Variants in ABL1 observed in about 807,000 individuals in gnomAD.
ABL1 encodes tyrosine-protein kinase ABL1.
A neutral mutation model predicts 94.7 loss-of-function variants in ABL1; 11 were observed. The observed-to-expected ratio is 0.12, with a 90% CI of 0.07 to 0.19. The LOEUF (loss-of-function observed/expected upper bound fraction) is 0.19, where lower values mean the gene tolerates loss of function less well. Among genes scored for constraint, ABL1 ranks in the 10% least tolerant of loss-of-function variants. ABL1 has a pLI of 1.00. For missense variants in ABL1, 1,082 were observed against 1,489.4 expected (o/e 0.73, Z 4.50); for synonymous variants, 656 against 622.4 (o/e 1.05, Z -0.80).
chr9:130,805,805 G>A (rs1830117183), intron 1 of ABL1, among the ~76,000 whole-genome samples: 3 of 152,144 alleles, frequency 2.0e-5, no homozygotes, highest in Non-Finnish European at 4.4e-5. Flanking sequence ...ATTAAGTAGG[G>A]GGATGAAGGG....
exon 1 of ABL1, among the ~76,000 whole-genome samples, chr9:130,713,646 A>G (rs1049655009): frequency 2.6e-5 from 4 of 152,178 alleles, no homozygotes; most frequent in Non-Finnish European, 5.9e-5. Flanking sequence ...CGGCCCCCTT[A>G]GTCTCAGCTC....
In ABL1 at chr9:130,822,073, C is replaced by T. The variant is rs143822264; in HGVS notation, c.137-31991C>T. 5.8e-3 allele frequency among the ~76,000 whole-genome samples: 882 copies of T among 152,162 alleles called. 13 individuals carry two copies. The highest frequency in any genetic ancestry group is 0.02 in the African/African-American group (828 of 41,530). ...CGGGATGCTCTCACTCTCCTGACCT[C>T]GTGATCTGCCTGCCTCGGCCTCCCA... On this transcript the variant is annotated intron_variant, in intron 1 of 10. Coordinates refer to the ABL1 transcript ENST00000372348.
chr9:130,784,586 G>A (rs1282249805), intron 1 of ABL1, among the ~76,000 whole-genome samples: 1 of 152,202 alleles, frequency 6.6e-6, no homozygotes, highest in African/African-American at 2.4e-5. Flanking sequence ...TTGTGGAGGT[G>A]AGGGAGGCCC....
chr9:130,763,322 G>GT (rs1229879065), intron 1 of ABL1, among the ~76,000 whole-genome samples: 4 of 106,808 alleles, frequency 3.7e-5, no homozygotes, highest in Admixed American at 1.9e-4. Flanking sequence ...ACATTTTTGT[G>GT]GTTTTTTTTC....
At chr9:130,713,472 A>G (rs961135981) in exon 1 of ABL1, among the ~76,000 whole-genome samples, 27 of 141,068 alleles carry the variant, frequency 1.9e-4, no homozygotes. Context: ...CCGCGCCCCG[A>G]CAGCTTCCCT....
At chr9:130,714,501 C>A (rs1450258254) in intron 1 of ABL1, 4 of 1,613,332 alleles carry the variant, frequency 2.5e-6, no homozygotes, top group Admixed American at 1.7e-5. Flanking sequence ...CTCATGCATT[C>A]ATCTTAGGCC....
rs777966830 is a variant in ABL1 at position 130,885,041 on chromosome 9, C to G, written c.2751C>G (p.Ser917Arg). The change falls in exon 11 of 11, where the codon AGC (serine) becomes AGG (arginine). Residue 917 changes from serine (S) to arginine (R), a missense_variant. This residue lies in a region of ABL1 where 780 missense variants were observed against 835.8 expected (regional missense o/e 0.93). Coordinates refer to ENST00000318560, the MANE Select transcript of ABL1 (RefSeq NM_005157.6). Reference sequence around the variant, plus strand: ...AGGCTGGAGGAAAGCCCTCGCAGAGCCCGAGCCAGGAGGCGGCCGGGGAGG... The same window carrying G: ...AGGCTGGAGGAAAGCCCTCGCAGAGGCCGAGCCAGGAGGCGGCCGGGGAGG... ...AGKAGGKPSQ[S>R]PSQEAAGEAV... 3.1e-6 allele frequency: 5 copies of G among 1,610,476 alleles called. No homozygotes were observed. Among genetic ancestry groups the G allele is most frequent in the Admixed American group, 1.7e-5 (1 of 59,800 alleles).
chr9:130,859,893 C>A (rs186162367), intron 3 of ABL1, among the ~76,000 whole-genome samples: 205 of 151,904 alleles, frequency 1.3e-3, no homozygotes, highest in African/African-American at 3.7e-3. Flanking sequence ...GTTGGCCAGG[C>A]TGGTTTCGAA....
At chr9:130,848,308 C>T (rs1830804302) in intron 1 of ABL1, among the ~76,000 whole-genome samples, 1 of 145,522 alleles carries the variant, frequency 6.9e-6, no homozygotes, top group South Asian at 2.2e-4. Context: ...CAAGACCAGC[C>T]TGGCCAACAT....
chr9:130,880,571 CCCA>C lies in ABL1; in HGVS notation c.1589_1591del (p.Thr530del). 1 of 1,613,874 alleles carries C rather than the reference CCCA, an allele frequency of 6.2e-7. No individual in the cohort carries two copies. The highest frequency in any genetic ancestry group is 8.5e-7 in the Non-Finnish European group (1 of 1,179,896). On this transcript the variant is annotated inframe_deletion, in exon 10 of 11. Coordinates refer to ENST00000318560, the MANE Select transcript of ABL1 (RefSeq NM_005157.6). The surrounding 1 kb of genome is among the most constrained non-coding windows in gnomAD (Gnocchi z 4.4). ...TACCTTGCTGCAGGCCCCAGAGCTG[CCCA>C]CCAAGACGAGGACCTCCAGGAGAGC...
intron 1 of ABL1, among the ~76,000 whole-genome samples, chr9:130,721,576 G>A (rs1239732641): frequency 6.6e-6 from 1 of 152,038 alleles, no homozygotes; most frequent in South Asian, 2.1e-4. Flanking sequence ...TGGGCGTGGT[G>A]GTACACGCCT....
At chr9:130,728,485 A>G (rs1831620363) in intron 1 of ABL1, among the ~76,000 whole-genome samples, 1 of 149,718 alleles carries the variant, frequency 6.7e-6, no homozygotes, top group African/African-American at 2.5e-5. Context: ...TCCTGGGTTC[A>G]TGCCATTCTC....
chr9:130,756,105 T>C (rs1442604379), intron 1 of ABL1, among the ~76,000 whole-genome samples: 1 of 152,202 alleles, frequency 6.6e-6, no homozygotes, highest in Non-Finnish European at 1.5e-5. Flanking sequence ...GCAACCACTT[T>C]TCTCATAGAG....
At chr9:130,843,307 C>A (rs192545602) in intron 1 of ABL1, among the ~76,000 whole-genome samples, 1 of 152,142 alleles carries the variant, frequency 6.6e-6, no homozygotes, top group Non-Finnish European at 1.5e-5. Flanking sequence ...TAAGAGAAGA[C>A]GCGGTTGTTC....
intron 1 of ABL1, among the ~76,000 whole-genome samples, chr9:130,716,072 C>CCTTT (rs1831434882): frequency 1.1e-5 from 1 of 91,186 alleles, no homozygotes; most frequent in Non-Finnish European, 2.3e-5. Flanking sequence ...GAAAAATGTC[C>CCTTT]TTTTTTTTTT....
intron 3 of ABL1, among the ~76,000 whole-genome samples, chr9:130,856,271 A>G (rs1169932500): frequency 6.6e-6 from 1 of 152,144 alleles, no homozygotes; most frequent in Admixed American, 6.5e-5. Context: ...TATTTTTAGT[A>G]GAGACAGGGT....
chr9:130,726,485 G>GT (rs947488752), intron 1 of ABL1, among the ~76,000 whole-genome samples: 2 of 152,044 alleles, frequency 1.3e-5, no homozygotes, highest in African/African-American at 4.8e-5. Context: ...GGTAATTTGT[G>GT]TTTTTTCTCT....
chr9:130,794,610 T>C (rs1041227430), intron 1 of ABL1, among the ~76,000 whole-genome samples: 1 of 152,188 alleles, frequency 6.6e-6, no homozygotes, highest in Non-Finnish European at 1.5e-5. Flanking sequence ...CTCAACTGCA[T>C]TGTTTTGATT....
chr9:130,773,190 CATGCCTGTA>C (rs1170129136), intron 1 of ABL1, among the ~76,000 whole-genome samples: 1 of 152,058 alleles, frequency 6.6e-6, no homozygotes, highest in Admixed American at 6.5e-5. Context: ...CATGGTGGCA[CATGCCTGTA>C]ATCCTGCTAC....
Sources: gnomAD v4.1 joint callset for allele counts (sites outside exome capture counted in the v4.1 genomes callset) on GRCh38, gnomAD v4.1.1 for gene constraint, gnomAD v4.1.1 regional missense constraint, Gnocchi (gnomAD v3.1) non-coding constraint, MANE v1.5 for transcripts, NCBI Gene and HGNC (gene_info 2026-07-23, HGNC 2026-07-21) for gene names.